PODXL2: variants seen among roughly 807,000 people sequenced by gnomAD.
The protein encoded by PODXL2 is podocalyxin like 2, also known as podocalyxin-like protein 2.
A neutral mutation model predicts 53.4 loss-of-function variants in PODXL2; 17 were observed. The ratio of observed to expected loss-of-function variants is 0.32; its 90% confidence interval spans 0.22 to 0.48. The LOEUF is 0.48. PODXL2 is among the 20% of genes least tolerant of loss of function. PODXL2 has a pLI of 0.99. For missense variants in PODXL2, 673 were observed against 760.0 expected, an observed-to-expected ratio of 0.89 and a Z score of 1.35; for synonymous variants, 311 against 306.7, an observed-to-expected ratio of 1.01 and a Z score of -0.15.
rs760999031 is a variant in PODXL2, at chr3:127,671,647, T to C, written c.1605+34T>C. On this transcript the variant is annotated intron_variant, in intron 7 of 7. Transcript: ENST00000342480. ...GGGGACAGGTGGGGCTGGGGGCCAG[T>C]TGAGAGGAGAGTGCCCATCGATAGG... 35 of 1,597,964 alleles carry C rather than the reference T, an allele frequency of 2.2e-5. 1 individual carries two copies. In the South Asian group the frequency reaches 3.9e-4, roughly 18 times the overall value.
In PODXL2 at chr3:127,660,647, T is replaced by A. The variant is rs2107542761; in HGVS notation, c.619T>A (p.Ser207Thr). The stretch of plus-strand genomic sequence containing the variant: ...AGCCAAGCCTCAGGTCCGTGACTTT[T>A]CTCTCACCAGCAGCAGCCAGACCCC... ...EEAKPQVRDF[S>T]LTSSSQTPGA... Residue 207 changes from serine to threonine, a missense_variant, in exon 3 of 8, where the codon TCT becomes ACT. By Grantham distance (58) the Ser-to-Thr change is moderately conservative. Coordinates refer to ENST00000342480, the MANE Select transcript of PODXL2 (RefSeq NM_015720.4). 6.2e-7 allele frequency: 1 copy of A among 1,614,142 alleles called. No individual in the cohort carries two copies. The highest frequency in any genetic ancestry group is 1.7e-5 in the Admixed American group (1 of 60,022).
intron 2 of PODXL2, among the ~76,000 whole-genome samples, chr3:127,658,654 A>G (rs1341264653): frequency 6.6e-6 from 1 of 152,086 alleles, no homozygotes; most frequent in Non-Finnish European, 1.5e-5. Flanking sequence ...TAATTTGGTA[A>G]TCTGTTTCTT....
chr3:127,660,972 C>G lies in PODXL2; in HGVS notation c.944C>G (p.Pro315Arg). ...CCTTCATTCCCTCAAACCACAGCTC[C>G]CAGTGGGGCCGAGCACCCAGATGAA... ...ALPSFPQTTA[P>R]SGAEHPDEDP... Residue 315 changes from proline to arginine, a missense_variant, in exon 3 of 8, where the codon CCC becomes CGC. Coordinates refer to ENST00000342480, the MANE Select transcript of PODXL2 (RefSeq NM_015720.4). 3 of 1,614,236 alleles carry G rather than the reference C, an allele frequency of 1.9e-6. No individual in the cohort carries two copies. In the Admixed American group the frequency reaches 5.0e-5, roughly 27 times the overall value.
intron 7 of PODXL2, among the ~76,000 whole-genome samples, chr3:127,671,915 C>T (rs2074846218): frequency 6.6e-6 from 1 of 152,194 alleles, no homozygotes; most frequent in Non-Finnish European, 1.5e-5. Flanking sequence ...CAGAGGCAGG[C>T]CCTGCGTTGG....
At chr3:127,653,534 T>C (rs573614016) in intron 2 of PODXL2, among the ~76,000 whole-genome samples, 128 of 152,060 alleles carry the variant, frequency 8.4e-4, no homozygotes, top group African/African-American at 2.6e-3. Flanking sequence ...TAGTCCCAGC[T>C]ACTCAGGAGG....
chr3:127,631,741 A>C lies in PODXL2; in HGVS notation c.70+2452A>C, dbSNP rs146461134. Among the ~76,000 whole-genome samples, 600 of 152,344 alleles carry C rather than the reference A, an allele frequency of 3.9e-3. 21 individuals carry two copies. Among genetic ancestry groups the C allele is most frequent in the Admixed American group, 0.031 (467 of 15,296 alleles). The stretch of plus-strand genomic sequence containing the variant: ...GTCATCTTATGGTGGGCAAGTTTGA[A>C]AATAAGTAACCTCTTGTAATTACTT... On this transcript the variant is annotated intron_variant, in intron 1 of 7. Coordinates refer to ENST00000342480, the MANE Select transcript of PODXL2 (RefSeq NM_015720.4).
chr3:127,672,491 G>A lies in PODXL2; in HGVS notation c.*11G>A, dbSNP rs1187715074. 1.4e-6 allele frequency: 2 copies of A among 1,467,022 alleles called. No individual in the cohort carries two copies. The highest frequency in any genetic ancestry group is 1.4e-5 in the African/African-American group (1 of 69,270). The allele number at this position is 1,467,022 out of a possible 1,614,324, so 90.9% of individuals were successfully genotyped here. A position where few individuals can be genotyped will look rare whatever the true frequency, so the allele number is the denominator to read the frequency against. On this transcript the variant is annotated 3_prime_UTR_variant, in exon 8 of 8. Coordinates refer to ENST00000342480, the MANE Select transcript of PODXL2 (RefSeq NM_015720.4). ...GACACGCACCTGTGAGCGCAGCCGA[G>A]GCGCAGGCCGAGTGGGCCGCCAGGA...
In PODXL2 at chr3:127,629,228, G is replaced by C. The variant is rs1576424332; in HGVS notation, c.9G>C (p.Arg3=). The change falls in exon 1 of 8, where the codon CGG becomes CGC. Residue 3 remains arginine, a synonymous_variant. Coordinates refer to ENST00000342480, the MANE Select transcript of PODXL2 (RefSeq NM_015720.4). The surrounding 1 kb of genome is among the most constrained non-coding windows in gnomAD (Gnocchi z 6.4). MG[R]LLRAARLPPL... ...GCGGCGACGGCTACACCATGGGCCG[G>C]CTGCTGCGGGCCGCCCGGCTGCCGC... is the stretch of plus-strand genomic sequence containing the variant. 2 of 996,448 alleles carry C rather than the reference G, an allele frequency of 2.0e-6. No individual in the cohort carries two copies. The allele number at this position is 996,448 out of a possible 1,614,324, so 61.7% of individuals were successfully genotyped here.
chr3:127,637,219 G>A lies in PODXL2; in HGVS notation c.71-2026G>A, dbSNP rs181114233. On this transcript the variant is annotated intron_variant, in intron 1 of 7. Coordinates refer to ENST00000342480, the MANE Select transcript of PODXL2 (RefSeq NM_015720.4). ...GAGCTTCACGGGATCTTAGAGGTTG[G>A]CACAGACGTTTACTAGCCCTGGTCA... is the stretch of plus-strand genomic sequence containing the variant. 6.0e-4 allele frequency among the ~76,000 whole-genome samples: 92 copies of A among 152,320 alleles called. 1 individual carries two copies. Among genetic ancestry groups the A allele is most frequent in the Admixed American group, 1.0e-3 (16 of 15,304 alleles).
chr3:127,672,580 C>A lies in PODXL2; in HGVS notation c.*100C>A. Reference sequence around the variant, plus strand: ...CGCACCAGCCCCGCGCCTACCCGGGCCGCCCCCGCGGCCTGGCCCTCGGCG... The same window carrying A: ...CGCACCAGCCCCGCGCCTACCCGGGACGCCCCCGCGGCCTGGCCCTCGGCG... On this transcript the variant is annotated 3_prime_UTR_variant, in exon 8 of 8. Coordinates refer to ENST00000342480, the MANE Select transcript of PODXL2 (RefSeq NM_015720.4). The A allele has an allele frequency of 1.3e-6, 1 of 774,270 alleles. No homozygotes were observed. The highest frequency in any genetic ancestry group is 1.9e-6 in the Non-Finnish European group (1 of 531,148). The allele number at this position is 774,270 out of a possible 1,614,324, so 48.0% of individuals were successfully genotyped here.
intron 2 of PODXL2, among the ~76,000 whole-genome samples, chr3:127,655,653 TAAAAAGA>T (rs1167534280): frequency 6.6e-6 from 1 of 152,028 alleles, no homozygotes; most frequent in Non-Finnish European, 1.5e-5. Context: ...GACCACACTG[TAAAAAGA>T]AAAGGAATAA....
intron 2 of PODXL2, among the ~76,000 whole-genome samples, chr3:127,652,430 A>G (rs541941852): frequency 6.6e-6 from 1 of 152,194 alleles, no homozygotes; most frequent in South Asian, 2.1e-4. Context: ...TTATCCTGCA[A>G]TCAATCCAGG....
intron 1 of PODXL2, among the ~76,000 whole-genome samples, chr3:127,638,733 A>G (rs758368488): frequency 3.9e-5 from 6 of 152,236 alleles, no homozygotes; most frequent in Non-Finnish European, 8.8e-5. Flanking sequence ...TAAAAAATAA[A>G]AAAACTAAAG....
rs528504107 is a variant in PODXL2 at position 127,629,662 on chromosome 3, C to T, written c.70+373C>T. Among the ~76,000 whole-genome samples, 1 of 152,098 alleles carries T rather than the reference C, an allele frequency of 6.6e-6. No individual in the cohort carries two copies. Among genetic ancestry groups the T allele is most frequent in the South Asian group, 2.1e-4 (1 of 4,824 alleles). ...TGTGTGTGTGCGAGTGCATTGTGTG[C>T]CTGCGCACTCGGGGGAAGAGGCGTG... On this transcript the variant is annotated intron_variant, in intron 1 of 7. Coordinates refer to ENST00000342480, the MANE Select transcript of PODXL2 (RefSeq NM_015720.4). This position sits in a 1 kb window ranked among gnomAD's most constrained non-coding sequence, Gnocchi z 6.4.
chr3:127,672,098 G>C (rs1043342594), intron 7 of PODXL2, among the ~76,000 whole-genome samples, 170 bp from the exon 8 acceptor site: 1 of 152,246 alleles, frequency 6.6e-6, no homozygotes, highest in Non-Finnish European at 1.5e-5. Context: ...CCAACGACTA[G>C]TAGGTTTATT....
chr3:127,654,304 A>G (rs768173759), intron 2 of PODXL2, among the ~76,000 whole-genome samples: 2 of 152,150 alleles, frequency 1.3e-5, no homozygotes, highest in African/African-American at 2.4e-5. Flanking sequence ...TTTGGCAGGC[A>G]TATTGTGGAC....
intron 2 of PODXL2, among the ~76,000 whole-genome samples, chr3:127,646,638 G>A (rs1576429207): frequency 6.6e-6 from 1 of 152,110 alleles, no homozygotes; most frequent in Non-Finnish European, 1.5e-5. Flanking sequence ...TGCCCGTCTC[G>A]GCCGCCCAAA....
chr3:127,646,995 C>G (rs965181919), intron 2 of PODXL2, among the ~76,000 whole-genome samples: 2 of 152,160 alleles, frequency 1.3e-5, no homozygotes, highest in African/African-American at 4.8e-5. Context: ...TCAGGTAGAG[C>G]TGATGCCTTC....
intron 1 of PODXL2, among the ~76,000 whole-genome samples, chr3:127,635,646 C>A (rs998403592): frequency 1.3e-5 from 2 of 152,176 alleles, no homozygotes; most frequent in Admixed American, 6.5e-5. Flanking sequence ...TGGGAACTTG[C>A]TAGAAATGCA....
Sources: gnomAD v4.1 joint callset for allele counts (sites outside exome capture counted in the v4.1 genomes callset) on GRCh38, gnomAD v4.1.1 for gene constraint, Gnocchi (gnomAD v3.1) non-coding constraint, MANE v1.5 for transcripts, NCBI Gene and HGNC (gene_info 2026-07-23, HGNC 2026-07-21) for gene names.